The following SNX29 variants were observed in gnomAD, a reference collection of about 807,000 sequenced individuals.
The protein encoded by SNX29 is sorting nexin-29.
SNX29 carries 78 observed loss-of-function variants against 102.1 expected under a neutral mutation model. That is an observed-to-expected ratio of 0.76 (90% CI 0.64 to 0.92). SNX29 has a LOEUF of 0.92. Among genes scored for constraint, SNX29 ranks in the 40% least tolerant of loss-of-function variants. SNX29 has a pLI of 0.00. For synonymous variants in SNX29, 580 were observed against 414.5 expected, an observed-to-expected ratio of 1.40 and a Z score of -4.85; for missense variants, 1,280 against 1,061.7, an observed-to-expected ratio of 1.21 and a Z score of -2.86.
Position 12,491,704 on chromosome 16 carries a change from G to C in SNX29, c.2178+13845G>C, listed in dbSNP as rs377054179. Among the ~76,000 whole-genome samples, 39 of 150,822 alleles carry C rather than the reference G, an allele frequency of 2.6e-4. 2 individuals carry two copies. In the East Asian group the frequency reaches 5.1e-3, roughly 20 times the overall value. On this transcript the variant is annotated intron_variant, in intron 19 of 20. Coordinates refer to ENST00000566228, the MANE Select transcript of SNX29 (RefSeq NM_032167.5). Reference sequence around the variant, plus strand: ...TTCCCCCAACCCCACAACAGTCCCCGGTGTGTGATGTTCCCCTTCCTGTGT... The same window carrying C: ...TTCCCCCAACCCCACAACAGTCCCCCGTGTGTGATGTTCCCCTTCCTGTGT...
intron 18 of SNX29, among the ~76,000 whole-genome samples, chr16:12,435,704 T>A (rs2085503061): frequency 6.6e-6 from 1 of 152,196 alleles, no homozygotes; most frequent in South Asian, 2.1e-4. Flanking sequence ...TGTGGGGTTC[T>A]TTTGCTTTGC....
At chr16:12,105,162 G>C (rs987285582) in intron 11 of SNX29, among the ~76,000 whole-genome samples, 1 of 152,126 alleles carries the variant, frequency 6.6e-6, no homozygotes, top group African/African-American at 2.4e-5. Flanking sequence ...AATGAGGCCA[G>C]ACTGTGCTGA....
intron 16 of SNX29, among the ~76,000 whole-genome samples, chr16:12,359,188 C>T (rs1370539157): frequency 6.6e-6 from 1 of 152,200 alleles, no homozygotes; most frequent in East Asian, 1.9e-4. Flanking sequence ...AGAATTGAAT[C>T]AGAGGACACC....
At chr16:12,165,859 C>T (rs992454773) in intron 13 of SNX29, among the ~76,000 whole-genome samples, 4 of 152,240 alleles carry the variant, frequency 2.6e-5, no homozygotes, top group South Asian at 2.1e-4. Context: ...CCACCACACC[C>T]GGCCAGACTT....
chr16:12,164,701 T>G (rs1457876905), intron 13 of SNX29, among the ~76,000 whole-genome samples: 1 of 145,562 alleles, frequency 6.9e-6, no homozygotes, highest in Non-Finnish European at 1.5e-5. Context: ...TTTTTTTTTT[T>G]GAGATGAAGT....
chr16:12,223,693 T>A (rs192093728), intron 14 of SNX29, among the ~76,000 whole-genome samples: 10 of 152,292 alleles, frequency 6.6e-5, no homozygotes, highest in Admixed American at 6.5e-4. Context: ...CTTGACTGAA[T>A]TGAAATCTGT....
chr16:12,178,892 C>G (rs892360770), intron 13 of SNX29, among the ~76,000 whole-genome samples: 1 of 152,216 alleles, frequency 6.6e-6, no homozygotes, highest in African/African-American at 2.4e-5. Context: ...GAGGCTGTGT[C>G]TGTATTGTGC....
intron 1 of SNX29, among the ~76,000 whole-genome samples, chr16:11,995,991 T>A (rs1208090607): frequency 6.8e-6 from 1 of 146,370 alleles, no homozygotes; most frequent in Non-Finnish European, 1.5e-5. Context: ...ACCTGGGAGG[T>A]GGAGGTTGCA....
chr16:12,234,947 T>TCACC (rs1326811349), intron 14 of SNX29, among the ~76,000 whole-genome samples: 1 of 150,730 alleles, frequency 6.6e-6, no homozygotes, highest in Non-Finnish European at 1.5e-5. Flanking sequence ...TCTCTCCTTT[T>TCACC]CACCCATCCT....
Position 12,480,235 on chromosome 16 carries a change from G to A in SNX29, c.2178+2376G>A, listed in dbSNP as rs115122927. ...GAGAGGTCAGAAGTCCAAAATGAGC[G>A]TCACAGAGCTAAAATCAAGACGTCA... On this transcript the variant is annotated intron_variant, in intron 19 of 20. Coordinates refer to ENST00000566228, the MANE Select transcript of SNX29 (RefSeq NM_032167.5). Among the ~76,000 whole-genome samples, 276 of 152,248 alleles carry A rather than the reference G, an allele frequency of 1.8e-3. 1 individual carries two copies. The highest frequency in any genetic ancestry group is 0.01 in the Middle Eastern group (3 of 294).
intron 20 of SNX29, among the ~76,000 whole-genome samples, chr16:12,528,171 TAGA>T (rs1302041734): frequency 6.6e-6 from 1 of 151,594 alleles, no homozygotes; most frequent in Non-Finnish European, 1.5e-5. Context: ...ATCAAAAAAT[TAGA>T]AGGTGTCAGA....
At chr16:12,109,147 A>AAG (rs2053399680) in intron 11 of SNX29, among the ~76,000 whole-genome samples, 1 of 136,422 alleles carries the variant, frequency 7.3e-6, no homozygotes, top group African/African-American at 3.0e-5. Flanking sequence ...AAAAAAAAAA[A>AAG]AAAAAAAAGA....
intron 15 of SNX29, among the ~76,000 whole-genome samples, chr16:12,317,861 G>A (rs1474613368): frequency 2.0e-5 from 3 of 152,194 alleles, no homozygotes; most frequent in African/African-American, 4.8e-5. Context: ...GTGGGGGGTC[G>A]AAATGAGATA....
At chr16:12,540,263 C>G (rs1301926370) in intron 20 of SNX29, among the ~76,000 whole-genome samples, 2 of 152,134 alleles carry the variant, frequency 1.3e-5, no homozygotes, top group Non-Finnish European at 2.9e-5. Context: ...AGCGTAAGGT[C>G]AAGTGGAGGG....
chr16:12,540,260 G>A (rs141182481), intron 20 of SNX29, among the ~76,000 whole-genome samples: 1 of 152,114 alleles, frequency 6.6e-6, no homozygotes. Context: ...CCCAGCGTAA[G>A]GTCAAGTGGA....
intron 19 of SNX29, among the ~76,000 whole-genome samples, chr16:12,480,011 T>A (rs1271721852): frequency 2.0e-5 from 3 of 152,244 alleles, no homozygotes; most frequent in Non-Finnish European, 4.4e-5. Flanking sequence ...TATTGTGTTA[T>A]GAAATGAACT....
intron 19 of SNX29, among the ~76,000 whole-genome samples, chr16:12,506,973 A>G (rs968154065): frequency 6.6e-6 from 1 of 152,204 alleles, no homozygotes; most frequent in Non-Finnish European, 1.5e-5. Context: ...AGCAAAGACC[A>G]TGTCTTGTAT....
At position 12,112,508 on chromosome 16, in the gene SNX29, G is replaced by A. The variant is rs570120995; in HGVS notation, c.1403-14125G>A. On this transcript the variant is annotated intron_variant, in intron 11 of 20. Transcript: ENST00000566228. Reference sequence around the variant, plus strand: ...CAATGTACTAGGCTGCATGCGTGAGGGAAACGCAGAAGGCATGGGTGGAAT... The same window carrying A: ...CAATGTACTAGGCTGCATGCGTGAGAGAAACGCAGAAGGCATGGGTGGAAT... Among the ~76,000 whole-genome samples, 3 of 152,322 alleles carry A rather than the reference G, an allele frequency of 2.0e-5. No homozygotes were observed. In the East Asian group the frequency reaches 5.8e-4, roughly 29 times the overall value.
chr16:12,538,780 C>A (rs79501584), intron 20 of SNX29, among the ~76,000 whole-genome samples: 3 of 152,166 alleles, frequency 2.0e-5, no homozygotes, highest in East Asian at 1.9e-4. Context: ...CATGTCACAT[C>A]GCCAAGGGGG....
Sources: gnomAD v4.1 joint callset for allele counts (sites outside exome capture counted in the v4.1 genomes callset) on GRCh38, gnomAD v4.1.1 for gene constraint, MANE v1.5 for transcripts, NCBI Gene and HGNC (gene_info 2026-07-23, HGNC 2026-07-21) for gene names.